NRXN3: variants seen among roughly 807,000 people sequenced by gnomAD.
The protein encoded by NRXN3 is neurexin III.
NRXN3 carries 32 observed loss-of-function variants against 137.6 expected under a neutral mutation model. The ratio of observed to expected loss-of-function variants is 0.23; its 90% CI spans 0.18 to 0.31. The LOEUF is 0.31. Among genes scored for constraint, NRXN3 ranks in the 10% least tolerant of loss-of-function variants. NRXN3 has a pLI of 1.00. For missense variants in NRXN3, 1,574 were observed against 2,062.5 expected (o/e 0.76, Z 4.59); for synonymous variants, 798 against 784.5 (o/e 1.02, Z -0.29).
At chr14:78,676,045 C>T (rs1461830779) in intron 6 of NRXN3, among the ~76,000 whole-genome samples, 3 of 152,130 alleles carry the variant, frequency 2.0e-5, no homozygotes, top group African/African-American at 7.2e-5. Context: ...GTTCCACCAA[C>T]CAGCTGTTCC....
intron 4 of NRXN3, among the ~76,000 whole-genome samples, chr14:78,306,178 G>A (rs2077352748): frequency 6.6e-6 from 1 of 152,074 alleles, no homozygotes; most frequent in Non-Finnish European, 1.5e-5. Flanking sequence ...ATACATAAAA[G>A]AAATTATTTC....
At chr14:79,621,921 A>G (rs2153900397) in intron 16 of NRXN3, among the ~76,000 whole-genome samples, 1 of 152,218 alleles carries the variant, frequency 6.6e-6, no homozygotes, top group Admixed American at 6.5e-5. Flanking sequence ...CAGCATGGAG[A>G]TCCCTTGGAT....
At chr14:79,754,234 C>A (rs1040724062) in intron 19 of NRXN3, among the ~76,000 whole-genome samples, 1 of 151,656 alleles carries the variant, frequency 6.6e-6, no homozygotes, top group African/African-American at 2.4e-5. Flanking sequence ...CCCAGCTGCT[C>A]GGGAGGCTGA....
intron 15 of NRXN3, among the ~76,000 whole-genome samples, chr14:79,017,433 C>A (rs1454035459): frequency 6.6e-6 from 1 of 151,890 alleles, no homozygotes; most frequent in Non-Finnish European, 1.5e-5. Flanking sequence ...TCCTCCTCCC[C>A]ATGCCGTTAT....
intron 15 of NRXN3, among the ~76,000 whole-genome samples, chr14:79,164,101 A>G (rs2061060617): frequency 6.6e-6 from 1 of 151,940 alleles, no homozygotes; most frequent in Admixed American, 6.6e-5. Context: ...TAATAACCTT[A>G]TGAATAAGTT....
At chr14:79,489,484 A>T (rs1017437003) in intron 16 of NRXN3, among the ~76,000 whole-genome samples, 2 of 152,156 alleles carry the variant, frequency 1.3e-5, no homozygotes, top group African/African-American at 4.8e-5. Context: ...TATACCAAGT[A>T]ATTGAGCATT....
At position 79,147,982 on chromosome 14, in the gene NRXN3, C is replaced by G. The variant is rs146867718; in HGVS notation, c.3262+159841C>G. 7.0e-4 allele frequency among the ~76,000 whole-genome samples: 107 copies of G among 152,152 alleles called. 1 individual carries two copies. The East Asian group carries it at 0.018, about 25-fold the overall frequency. On this transcript the variant is annotated intron_variant, in intron 15 of 20. Transcript: ENST00000335750. ...AGCCCAGATTTCTGGAATTTGTGGT[C>G]CTTCTACTTTCCTGTCTCCAGCAGT...
Position 79,234,071 on chromosome 14 carries a change from T to C in NRXN3, c.3263-233150T>C, listed in dbSNP as rs149069340. 8.8e-4 allele frequency among the ~76,000 whole-genome samples: 133 copies of C among 151,326 alleles called. 2 individuals carry two copies. In the East Asian group the frequency reaches 0.024, roughly 27 times the overall value. On this transcript the variant is annotated intron_variant, in intron 15 of 20. Transcript: ENST00000335750. The stretch of plus-strand genomic sequence containing the variant: ...TGGGAGTGAATAGGGGCTTCTCAAT[T>C]TGATACCTAAAGGATATTTCCTCTC...
At chr14:79,300,580 C>T (rs530837030) in intron 15 of NRXN3, among the ~76,000 whole-genome samples, 3 of 152,182 alleles carry the variant, frequency 2.0e-5, no homozygotes, top group African/African-American at 7.2e-5. Flanking sequence ...TGTGACCTCT[C>T]ATTTGGCTAA....
At chr14:78,771,137 T>G (rs1311250705) in intron 8 of NRXN3, among the ~76,000 whole-genome samples, 7 of 152,228 alleles carry the variant, frequency 4.6e-5, no homozygotes, top group Non-Finnish European at 1.0e-4. Context: ...GTGGCACCGC[T>G]GAGCAAGACC....
At chr14:79,621,476 T>A (rs2098223946) in intron 16 of NRXN3, among the ~76,000 whole-genome samples, 1 of 152,204 alleles carries the variant, frequency 6.6e-6, no homozygotes, top group African/African-American at 2.4e-5. Flanking sequence ...GTGATAGGGT[T>A]TTCTGTACAT....
At chr14:78,383,001 A>T (rs972226889) in intron 4 of NRXN3, among the ~76,000 whole-genome samples, 3 of 152,170 alleles carry the variant, frequency 2.0e-5, no homozygotes, top group African/African-American at 7.2e-5. Context: ...CCAACTGCTT[A>T]TTCTGGGCCA....
chr14:79,216,831 TA>T (rs1250791849), intron 15 of NRXN3, among the ~76,000 whole-genome samples: 1 of 152,140 alleles, frequency 6.6e-6, no homozygotes, highest in Non-Finnish European at 1.5e-5. Context: ...TGAGGCTCGA[TA>T]ATTTATAAAG....
Position 79,593,975 on chromosome 14 carries a change from C to T in NRXN3, c.3445-69803C>T, listed in dbSNP as rs114674732. ...ATACACTTAACATTATAATAGATGC[C>T]CTCATAAGGTGCTATGTATAAATCC... On this transcript the variant is annotated intron_variant, in intron 16 of 20. Coordinates refer to ENST00000335750, the MANE Select transcript of NRXN3 (RefSeq NM_001330195.2). Among the ~76,000 whole-genome samples, 608 of 152,116 alleles carry T rather than the reference C, an allele frequency of 4.0e-3. 8 individuals are homozygous for T. Among genetic ancestry groups the T allele is most frequent in the African/African-American group, 0.014 (572 of 41,514 alleles).
At chr14:78,623,960 C>A (rs1051144792) in intron 4 of NRXN3, among the ~76,000 whole-genome samples, 2 of 152,156 alleles carry the variant, frequency 1.3e-5, no homozygotes, top group Admixed American at 6.5e-5. Flanking sequence ...CTACCCCTTA[C>A]CATCCGACTA....
At chr14:78,786,582 T>C (rs968379338) in intron 8 of NRXN3, among the ~76,000 whole-genome samples, 2 of 152,172 alleles carry the variant, frequency 1.3e-5, no homozygotes, top group Non-Finnish European at 2.9e-5. Context: ...ATGAGTTGTA[T>C]GTAACGTCTG....
At chr14:78,288,231 C>T (rs1014871297) in intron 3 of NRXN3, among the ~76,000 whole-genome samples, 7 of 152,264 alleles carry the variant, frequency 4.6e-5, no homozygotes, top group South Asian at 2.1e-4. Flanking sequence ...CCACCCGCCT[C>T]GGCTTCCAAA....
At chr14:78,919,791 AT>A (rs2099266077) in intron 10 of NRXN3, among the ~76,000 whole-genome samples, 1 of 151,334 alleles carries the variant, frequency 6.6e-6, no homozygotes, top group South Asian at 2.1e-4. Context: ...TAAAAATATA[AT>A]TTTTTAATCA....
rs570316505 is a variant in NRXN3 at position 78,616,302 on chromosome 14, T to C, written c.758-28818T>C. On this transcript the variant is annotated intron_variant, in intron 4 of 20. Transcript: ENST00000335750. ...TCCTCTTACACTGCTCTCTTGTTAC[T>C]CTTGGTGCATTTGCCCCATTAGCCT... is the stretch of plus-strand genomic sequence containing the variant. Among the ~76,000 whole-genome samples the C allele has an allele frequency of 4.6e-5, 7 of 152,320 alleles. No homozygotes were observed. The East Asian group carries it at 1.4e-3, about 29-fold the overall frequency.
Sources: allele counts gnomAD v4.1 joint callset (sites outside exome capture counted in the v4.1 genomes callset), GRCh38; gene constraint gnomAD v4.1.1; transcripts MANE v1.5; gene names NCBI Gene and HGNC (gene_info 2026-07-23, HGNC 2026-07-21).